SV2C: variants seen among roughly 807,000 people sequenced by gnomAD.
SV2C encodes synaptic vesicle glycoprotein 2C, also known as solute carrier family 22 member B3.
A neutral mutation model predicts 79.7 loss-of-function variants in SV2C; 49 were observed. That is an observed-to-expected ratio of 0.61 (90% CI 0.49 to 0.78). SV2C has a LOEUF of 0.78. Ranked by LOEUF, SV2C falls within the 30% of genes least tolerant of loss-of-function variation. SV2C has a pLI of 0.00. For synonymous variants in SV2C, 334 were observed against 333.2 expected (o/e 1.00, Z -0.03); for missense variants, 833 against 912.9 (o/e 0.91, Z 1.13).
At chr5:75,995,793 A>C in the SV2C span, among the ~76,000 whole-genome samples, 1 of 152,120 alleles carries the variant, frequency 6.6e-6, no homozygotes, top group Non-Finnish European at 1.5e-5. Context: ...AGGACTTCCA[A>C]ATCCCCATAG....
chr5:75,985,950 C>T, the SV2C span, among the ~76,000 whole-genome samples: 25 of 151,534 alleles, frequency 1.6e-4, no homozygotes, highest in South Asian at 5.0e-3. Flanking sequence ...GGATAATGGG[C>T]TTATTAAGTA....
In SV2C at chr5:76,319,936, G is replaced by A. The variant is rs564029000; in HGVS notation, c.2001-5428G>A. Among the ~76,000 whole-genome samples, 5 of 152,204 alleles carry A rather than the reference G, an allele frequency of 3.3e-5. No individual in the cohort carries two copies. In the East Asian group the frequency reaches 5.8e-4, roughly 18 times the overall value. On this transcript the variant is annotated intron_variant, in intron 12 of 12. Coordinates refer to ENST00000502798, the MANE Select transcript of SV2C (RefSeq NM_014979.4). ...AACATACACTCAGGCCATTTTCCCCGGAAGAATCCAGCTTATCTTACTACT... is the reference window on the plus strand; with the variant it reads ...AACATACACTCAGGCCATTTTCCCCAGAAGAATCCAGCTTATCTTACTACT...
chr5:76,084,781 C>G (rs1480725379), intron 1 of SV2C, among the ~76,000 whole-genome samples: 1 of 151,264 alleles, frequency 6.6e-6, no homozygotes, highest in Non-Finnish European at 1.5e-5. Flanking sequence ...ATGGATGCCC[C>G]GCGGCGCGCC....
Position 76,329,909 on chromosome 5 carries a change from C to T in SV2C, c.*4362C>T, listed in dbSNP as rs1030074223. 1.3e-5 allele frequency: 2 copies of T among 150,662 alleles called. No homozygotes were observed. The highest frequency in any genetic ancestry group is 3.0e-5 in the Non-Finnish European group (2 of 67,458). The allele number at this position is 150,662 out of a possible 1,614,324, so 9.3% of individuals were successfully genotyped here. ...GTTAGGTTTTCTTTAATCCTCACAT[C>T]GTGCCAAACTTAGTCTGGTTACTAA... is the stretch of plus-strand genomic sequence containing the variant. On this transcript the variant is annotated 3_prime_UTR_variant, in exon 13 of 13. Transcript: ENST00000502798.
At chr5:76,260,721 T>G (rs1232634984) in intron 4 of SV2C, among the ~76,000 whole-genome samples, 1 of 152,246 alleles carries the variant, frequency 6.6e-6, no homozygotes, top group African/African-American at 2.4e-5. Flanking sequence ...ATTGCTTGTT[T>G]TTGTCAGGTT....
chr5:76,106,278 A>G (rs946218939), intron 1 of SV2C, among the ~76,000 whole-genome samples: 4 of 151,826 alleles, frequency 2.6e-5, no homozygotes, highest in Non-Finnish European at 5.9e-5. Flanking sequence ...TGCCACTCCC[A>G]CTGCTGTCTA....
At chr5:76,039,613 G>C in the SV2C span, among the ~76,000 whole-genome samples, 1 of 151,900 alleles carries the variant, frequency 6.6e-6, no homozygotes, top group African/African-American at 2.4e-5. Flanking sequence ...AAAATTAACC[G>C]GGCATGGTGG....
At chr5:75,943,691 T>C in the SV2C span, among the ~76,000 whole-genome samples, 4 of 152,276 alleles carry the variant, frequency 2.6e-5, no homozygotes, top group African/African-American at 9.6e-5. Flanking sequence ...GACTTTAGTT[T>C]TATTGTCCTA....
chr5:76,095,575 A>G (rs1165079713), intron 1 of SV2C, among the ~76,000 whole-genome samples: 2 of 152,252 alleles, frequency 1.3e-5, no homozygotes, highest in African/African-American at 4.8e-5. Flanking sequence ...AAGTTTTTAT[A>G]TAGAGTCTTC....
chr5:76,099,973 A>G (rs554209085), intron 1 of SV2C, among the ~76,000 whole-genome samples: 1 of 152,336 alleles, frequency 6.6e-6, no homozygotes, highest in South Asian at 2.1e-4. Context: ...GAACATGCCC[A>G]AAGTCTCTGA....
chr5:75,892,532 C>A, the SV2C span, among the ~76,000 whole-genome samples: 4 of 151,900 alleles, frequency 2.6e-5, no homozygotes, highest in African/African-American at 9.7e-5. Context: ...AATCTGTCAG[C>A]CAGGTAGTGA....
At chr5:75,946,331 T>C in the SV2C span, among the ~76,000 whole-genome samples, 2 of 152,144 alleles carry the variant, frequency 1.3e-5, no homozygotes, top group African/African-American at 4.8e-5. Context: ...GATCATCATT[T>C]TCCATTGAAT....
At chr5:76,021,864 C>T in the SV2C span, among the ~76,000 whole-genome samples, 1 of 152,034 alleles carries the variant, frequency 6.6e-6, no homozygotes, top group East Asian at 1.9e-4. Context: ...TTTAACTGGC[C>T]TTAGGATCTT....
intron 4 of SV2C, among the ~76,000 whole-genome samples, chr5:76,226,782 C>T (rs1198836130): frequency 1.3e-5 from 2 of 152,154 alleles, no homozygotes; most frequent in Non-Finnish European, 2.9e-5. Flanking sequence ...GAGAGGAAGA[C>T]ACGGGTGATG....
chr5:75,975,361 G>A, the SV2C span, among the ~76,000 whole-genome samples: 1 of 152,148 alleles, frequency 6.6e-6, no homozygotes, highest in Non-Finnish European at 1.5e-5. Flanking sequence ...GGATGGACTT[G>A]TAAATTAATC....
At chr5:76,166,663 G>T (rs963940985) in intron 2 of SV2C, among the ~76,000 whole-genome samples, 1 of 152,102 alleles carries the variant, frequency 6.6e-6, no homozygotes, top group Admixed American at 6.6e-5. Context: ...ATTTTTTATT[G>T]AAGTATTTTC....
chr5:76,155,115 A>G (rs1329502591), intron 2 of SV2C, among the ~76,000 whole-genome samples: 1 of 152,196 alleles, frequency 6.6e-6, no homozygotes, highest in Admixed American at 6.5e-5. Flanking sequence ...TAGAGTGGCT[A>G]TTTGTGGAGC....
the SV2C span, among the ~76,000 whole-genome samples, chr5:75,962,580 T>C: frequency 6.6e-6 from 1 of 152,140 alleles, no homozygotes; most frequent in African/African-American, 2.4e-5. Flanking sequence ...GAGGTGTCAG[T>C]GATAACCCAC....
chr5:76,142,059 G>A (rs1405628073), intron 2 of SV2C, among the ~76,000 whole-genome samples: 1 of 152,028 alleles, frequency 6.6e-6, no homozygotes, highest in Non-Finnish European at 1.5e-5. Context: ...GATTACTGCT[G>A]AACACTTCAG....
Sources: gnomAD v4.1 joint callset for allele counts (sites outside exome capture counted in the v4.1 genomes callset) on GRCh38, gnomAD v4.1.1 for gene constraint, MANE v1.5 for transcripts, NCBI Gene and HGNC (gene_info 2026-07-23, HGNC 2026-07-21) for gene names.